The following FAM110B variants were observed in gnomAD, a reference collection of about 807,000 sequenced individuals.
FAM110B encodes family with sequence similarity 110 member B, also known as protein FAM110B.
Under a neutral mutation model 20.4 loss-of-function variants are expected in FAM110B, and 6 were observed. That is an observed-to-expected ratio of 0.29 (90% CI 0.16 to 0.58). The LOEUF (loss-of-function observed/expected upper bound fraction) is 0.58. FAM110B is among the 20% of genes least tolerant of loss of function. The pLI is 0.90. For synonymous variants in FAM110B, 226 were observed against 214.1 expected (o/e 1.06, Z -0.49); for missense variants, 434 against 498.2 (o/e 0.87, Z 1.23).
At chr8:58,134,896 T>C (rs148895402) in intron 3 of FAM110B, among the ~76,000 whole-genome samples, 4,348 of 152,316 alleles carry the variant, frequency 0.029, 93 homozygotes, top group Middle Eastern at 0.054. Flanking sequence ...AGGCTTTTTT[T>C]CGTCCTTCAC....
intron 3 of FAM110B, among the ~76,000 whole-genome samples, chr8:58,128,846 AT>A (rs916332624): frequency 3.3e-5 from 5 of 151,712 alleles, no homozygotes; most frequent in African/African-American, 7.3e-5. Flanking sequence ...TAAGTTTTAT[AT>A]TTTTTTTTCC....
intron 1 of FAM110B, among the ~76,000 whole-genome samples, chr8:58,008,735 G>A (rs530930342): frequency 4.7e-4 from 72 of 152,264 alleles, no homozygotes; most frequent in Non-Finnish European, 6.2e-4. Flanking sequence ...ATACTTCTCC[G>A]TGCATCTGAA....
intron 1 of FAM110B, among the ~76,000 whole-genome samples, chr8:58,011,815 T>C (rs577506433): frequency 2.0e-5 from 3 of 152,358 alleles, no homozygotes; most frequent in African/African-American, 7.2e-5. Context: ...AGCCCATCCA[T>C]GGCTTTGCTT....
At chr8:58,016,451 G>A (rs1245247799) in intron 1 of FAM110B, among the ~76,000 whole-genome samples, 1 of 152,212 alleles carries the variant, frequency 6.6e-6, no homozygotes, top group Non-Finnish European at 1.5e-5. Flanking sequence ...AGCACCCAAT[G>A]TGGCTAAGCT....
At chr8:58,054,533 A>T (rs1396482485) in intron 2 of FAM110B, among the ~76,000 whole-genome samples, 1 of 152,238 alleles carries the variant, frequency 6.6e-6, no homozygotes. Flanking sequence ...AATTTGCTAT[A>T]TTTCTTCAGT....
chr8:58,070,707 T>C (rs572242429), intron 2 of FAM110B, among the ~76,000 whole-genome samples: 2 of 152,288 alleles, frequency 1.3e-5, no homozygotes, highest in Admixed American at 1.3e-4. Context: ...CAGTACCCAG[T>C]AGACTTTGTT....
intron 2 of FAM110B, among the ~76,000 whole-genome samples, chr8:58,042,098 G>A (rs76338912): frequency 6.6e-6 from 1 of 152,148 alleles, no homozygotes; most frequent in Non-Finnish European, 1.5e-5. Context: ...AATTTTTTAT[G>A]TGACTGTTAT....
intron 2 of FAM110B, among the ~76,000 whole-genome samples, chr8:58,059,301 A>G (rs948958606): frequency 1.3e-5 from 2 of 152,232 alleles, no homozygotes; most frequent in Admixed American, 6.5e-5. Context: ...GGTCATGCCC[A>G]TGATTGGAAT....
chr8:58,079,811 A>G (rs1375151064), intron 3 of FAM110B, among the ~76,000 whole-genome samples: 2 of 152,192 alleles, frequency 1.3e-5, no homozygotes, highest in Non-Finnish European at 2.9e-5. Context: ...TTGACATATT[A>G]AAATTTTTTA....
chr8:58,077,960 T>G (rs778615761), intron 3 of FAM110B, among the ~76,000 whole-genome samples: 6 of 152,138 alleles, frequency 3.9e-5, no homozygotes, highest in African/African-American at 7.2e-5. Context: ...TTCCCATAAA[T>G]AGATTGAAAC....
At chr8:58,005,893 A>G (rs959647103) in intron 1 of FAM110B, among the ~76,000 whole-genome samples, 6 of 152,232 alleles carry the variant, frequency 3.9e-5, no homozygotes, top group African/African-American at 7.2e-5. Context: ...ATTTTCTGGT[A>G]TAACAGAAGA....
At chr8:58,091,463 A>C (rs1457649118) in intron 3 of FAM110B, 1 of 152,164 alleles carries the variant, frequency 6.6e-6, no homozygotes, top group Non-Finnish European at 1.5e-5. Flanking sequence ...TCCTTGCAGC[A>C]CAACCCCATG....
intron 2 of FAM110B, among the ~76,000 whole-genome samples, chr8:58,049,830 T>C (rs1290265294): frequency 6.6e-6 from 1 of 152,248 alleles, no homozygotes; most frequent in Non-Finnish European, 1.5e-5. Context: ...AAACATCCTC[T>C]AATATTTACT....
At chr8:58,000,614 G>A (rs879452286) in intron 1 of FAM110B, among the ~76,000 whole-genome samples, 19 of 152,054 alleles carry the variant, frequency 1.2e-4, no homozygotes, top group Admixed American at 2.6e-4. Flanking sequence ...AGTCACACAC[G>A]TGCCCAGACA....
At chr8:58,016,584 A>G (rs1187102882) in intron 1 of FAM110B, among the ~76,000 whole-genome samples, 2 of 152,210 alleles carry the variant, frequency 1.3e-5, no homozygotes, top group African/African-American at 2.4e-5. Context: ...TTGGCCAGCC[A>G]AGAACCTGAA....
intron 3 of FAM110B, among the ~76,000 whole-genome samples, chr8:58,079,433 AAC>A (rs1806131885): frequency 6.6e-6 from 1 of 152,200 alleles, no homozygotes; most frequent in South Asian, 2.1e-4. Context: ...TTGAGGATTT[AAC>A]ACACACTTAT....
chr8:58,006,923 A>ATATATATATATATATATATATATTTTTT lies in FAM110B; in HGVS notation c.-512+12118_-512+12119insATATATATATATATATATATATTTTTTT. 1.1e-3 allele frequency among the ~76,000 whole-genome samples: 143 copies of ATATATATATATATATATATATATTTTTT among 126,434 alleles called. 1 individual carries two copies. The highest frequency in any genetic ancestry group is 4.2e-3 in the African/African-American group (137 of 32,844). 82.9% of individuals were successfully genotyped at this position (126,434 alleles called of 152,430 possible). A position where few individuals can be genotyped will look rare whatever the true frequency, so the allele number is the denominator to read the frequency against. On this transcript the variant is annotated intron_variant, in intron 1 of 3. Transcript: ENST00000519262. ...TTGGTATATATATATATATATATAT[A>ATATATATATATATATATATATATTTTTT]TTTTTCCAAAACCAGAGTTTGCATT...
intron 2 of FAM110B, among the ~76,000 whole-genome samples, chr8:58,074,158 C>G (rs953411734): frequency 1.3e-5 from 2 of 152,146 alleles, no homozygotes; most frequent in Non-Finnish European, 2.9e-5. Context: ...GCTCTCTGAC[C>G]CAGCGGACCT....
rs187189853 is a variant in FAM110B, at chr8:58,035,325, T to C, written c.-414+3622T>C. On this transcript the variant is annotated intron_variant, in intron 2 of 3. Transcript: ENST00000519262. ...ATTAACATTTGACCCTGTCATCTCA[T>C]ACCTAAATTAAATGAGATGTGTTTA... is the stretch of plus-strand genomic sequence containing the variant. Among the ~76,000 whole-genome samples the C allele has an allele frequency of 4.6e-5, 7 of 152,346 alleles. No individual in the cohort carries two copies. In the East Asian group the frequency reaches 9.6e-4, roughly 21 times the overall value.
Sources: allele counts gnomAD v4.1 joint callset (sites outside exome capture counted in the v4.1 genomes callset), GRCh38; gene constraint gnomAD v4.1.1; transcripts MANE v1.5; gene names NCBI Gene and HGNC (gene_info 2026-07-23, HGNC 2026-07-21).